The following TTN variants were observed in gnomAD, a reference collection of about 807,000 sequenced individuals.
TTN encodes the protein titin.
TTN carries 1,525 observed loss-of-function variants against 3,223.0 expected under a neutral mutation model. The observed-to-expected ratio is 0.47, with a 90% CI of 0.45 to 0.49. TTN has a LOEUF of 0.49. Ranked by LOEUF, TTN falls within the 20% of genes least tolerant of loss-of-function variation. The pLI, the probability that TTN is intolerant of heterozygous loss-of-function variation, is 0.00. For synonymous variants in TTN, 14,094 were observed against 15,161.0 expected (o/e 0.93, Z 5.17); for missense variants, 40,786 against 43,424.0 (o/e 0.94, Z 5.40).
rs1262407585 is a variant in TTN, at chr2:178,749,145, A to G, written c.11311+3979T>C. 3.1e-6 allele frequency: 5 copies of G among 1,612,522 alleles called. No individual in the cohort carries two copies. The Admixed American group carries it at 8.4e-5, about 27-fold the overall frequency. On this transcript the variant is annotated intron_variant, in intron 47 of 362. Transcript: ENST00000589042. ...ATTCTCTCAGAGTGAATATTTGGTA[A>G]ATAGTCACTTTGGGCACATTCTTGT...
intron 240 of TTN, among the ~76,000 whole-genome samples, chr2:178,626,292 G>T (rs534572429): frequency 6.6e-6 from 1 of 152,130 alleles, no homozygotes; most frequent in South Asian, 2.1e-4. Flanking sequence ...GCAAATGAAA[G>T]TTGGACTCTT....
intron 156 of TTN, 90 bp downstream of exon 156, chr2:178,671,000 A>T (rs182732905): frequency 1.1e-6 from 1 of 884,868 alleles, no homozygotes; most frequent in East Asian, 2.8e-5. Context: ...CAGAAGAAAG[A>T]CATCAAGTGG....
rs1575695077 is a variant in TTN, at chr2:178,567,413, C to T, written c.78719G>A (p.Cys26240Tyr). 3.1e-6 allele frequency: 5 copies of T among 1,605,382 alleles called. No homozygotes were observed. The highest frequency in any genetic ancestry group is 3.4e-5 in the Admixed American group (2 of 58,612). Residue 26240 changes from cysteine to tyrosine, a missense_variant, in exon 326 of 363, where the codon TGT becomes TAT. Transcript: ENST00000589042. ...CTTGAAATCTGTGTTCTTTATTTCA[C>T]ATCTAGCAGATTCTTCAATTTCCTT... Reference protein sequence around the residue: ...GDKEIEESARCEIKNTDFKAL... With the variant: ...GDKEIEESARYEIKNTDFKAL...
rs758706507 is a variant in TTN, at chr2:178,533,154, A to C, written c.103461T>G (p.Leu34487=). Residue 34487 remains leucine (L), a synonymous_variant, in exon 358 of 363, where the codon CTT becomes CTG. Transcript: ENST00000589042. ...TCAGTGGTACACTTTCAGTTCCAGAAAGAATTTCAGCCATTCTGAGGGTTT... is the reference window on the plus strand; with the variant it reads ...TCAGTGGTACACTTTCAGTTCCAGACAGAATTTCAGCCATTCTGAGGGTTT... ...IDKTLRMAEI[L]SGTESVPLTQ... 6.2e-7 allele frequency: 1 copy of C among 1,613,956 alleles called. No homozygotes were observed. Among genetic ancestry groups the C allele is most frequent in the East Asian group, 2.2e-5 (1 of 44,876 alleles).
At chr2:178,728,036 G>A in intron 67 of TTN, 74 bp downstream of exon 67, 1 of 1,457,336 alleles carries the variant, frequency 6.9e-7, no homozygotes, top group Non-Finnish European at 9.1e-7. Context: ...AGCTCTAAAG[G>A]ATACAAAGGC....
At chr2:178,753,940 A>C (rs1182449262) in intron 46 of TTN, 3 of 151,980 alleles carry the variant, frequency 2.0e-5, no homozygotes, top group Non-Finnish European at 4.4e-5. Context: ...TGACTCTCTG[A>C]GTGTTTTAAT....
chr2:178,794,669 A>AT, intron 7 of TTN, 118 bp from the exon 8 acceptor site: 1 of 1,263,832 alleles, frequency 7.9e-7, no homozygotes. Flanking sequence ...ATAAGCATTT[A>AT]TTATTGCCAA....
Position 178,696,183 on chromosome 2 carries a change from C to T in TTN, c.30889G>A (p.Glu10297Lys), listed in dbSNP as rs756360188. ...TRKKEVQKEK[E>K]AVYEKKQAVH... ...GCTTGCTTTTTCTCATACACAGCTT[C>T]TTTTTCTTTCTGAACCTCTTTCTTT... The change falls in exon 114 of 363, where the codon GAA becomes AAA. Residue 10297 changes from glutamate to lysine, a missense_variant. Coordinates refer to ENST00000589042, the MANE Select transcript of TTN (RefSeq NM_001267550.2). The T allele has an allele frequency of 1.9e-6, 3 of 1,559,774 alleles. No individual in the cohort carries two copies. Among genetic ancestry groups the T allele is most frequent in the Non-Finnish European group, 1.7e-6 (2 of 1,150,498 alleles).
chr2:178,770,118 A>T lies in TTN; in HGVS notation c.8583T>A (p.Ala2861=), dbSNP rs150630967. The T allele has an allele frequency of 3.1e-6, 5 of 1,613,980 alleles. No homozygotes were observed. The highest frequency in any genetic ancestry group is 4.2e-6 in the Non-Finnish European group (5 of 1,179,996). ...GCCCGACCACAGCTGTGTATTCCCC[A>T]GCATCTGAGGGGGAGATGTTCTGCA... is the stretch of plus-strand genomic sequence containing the variant. ...LMLQNISPSD[A]GEYTAVVGQL... The change falls in exon 36 of 363, where the codon GCT becomes GCA. Residue 2861 remains alanine (A), a synonymous_variant. Transcript: ENST00000589042.
chr2:178,565,959 A>G lies in TTN; in HGVS notation c.80173T>C (p.Ser26725Pro). 1.9e-6 allele frequency: 3 copies of G among 1,613,340 alleles called. No individual in the cohort carries two copies. Among genetic ancestry groups the G allele is most frequent in the Non-Finnish European group, 2.5e-6 (3 of 1,179,608 alleles). ...ACATTAGCATACGCTTTTCTGGTTG[A>G]CTCACGTTTGTCAATCACATAGTTC... ...VKNYVIDKRE[S>P]TRKAYANVSS... is the part of the protein sequence containing the mutation. Residue 26725 changes from serine (S) to proline (P), a missense_variant, in exon 326 of 363, where the codon TCA (serine) becomes CCA (proline). Ser to Pro is a moderately conservative substitution (Grantham distance 74). Transcript: ENST00000589042.
Position 178,550,985 on chromosome 2 carries a change from T to C in TTN, c.91546A>G (p.Met30516Val). The C allele has an allele frequency of 6.2e-7, 1 of 1,613,082 alleles. No individual in the cohort carries two copies. Among genetic ancestry groups the C allele is most frequent in the Non-Finnish European group, 8.5e-7 (1 of 1,179,526 alleles). ...TGCTTACCATTTTCATCTCTTGTCA[T>C]AATAATGCCAGAAGACTGTGAGGGC... ...SPPSQSSGII[M>V]TRDENVPPIV... Residue 30516 changes from methionine (M) to valine (V), a missense_variant, in exon 336 of 363, where the codon ATG (methionine) becomes GTG (valine). Physicochemically the swap from Met to Val is conservative, Grantham distance 21. Coordinates refer to ENST00000589042, the MANE Select transcript of TTN (RefSeq NM_001267550.2).
At chr2:178,771,810 T>C (rs2091529821) in intron 33 of TTN, among the ~76,000 whole-genome samples, 1 of 152,178 alleles carries the variant, frequency 6.6e-6, no homozygotes, top group African/African-American at 2.4e-5. Context: ...TTTTAATGAT[T>C]ATTTCCTGGG....
Position 178,778,536 on chromosome 2 carries a change from C to T in TTN, c.4208+338G>A, listed in dbSNP as rs2092462083. The T allele has an allele frequency of 1.1e-5, 4 of 348,854 alleles. No homozygotes were observed. The Admixed American group carries it at 1.7e-4, about 15-fold the overall frequency. 21.6% of individuals were successfully genotyped at this position (348,854 alleles called of 1,614,324 possible). ...AGACAATTTTCATAGATTCCCAGGG[C>T]CTCAGTGTTCCTATTTCCAAACCAA... On this transcript the variant is annotated intron_variant, in intron 24 of 362. Coordinates refer to ENST00000589042, the MANE Select transcript of TTN (RefSeq NM_001267550.2).
At chr2:178,615,567 A>C in intron 258 of TTN, 74 bp downstream of exon 258, 1 of 1,609,562 alleles carries the variant, frequency 6.2e-7, no homozygotes, top group Non-Finnish European at 8.5e-7. Flanking sequence ...GCCTTGCCCC[A>C]TAACTTCAAC....
Position 178,633,555 on chromosome 2 carries a change from C to T in TTN, c.42804G>A (p.Glu14268=). 6.2e-7 allele frequency: 1 copy of T among 1,613,424 alleles called. No individual in the cohort carries two copies. The highest frequency in any genetic ancestry group is 8.5e-7 in the Non-Finnish European group (1 of 1,179,618). The part of the protein sequence containing the change: ...VPVKWFKDGE[E]IVPSPKYSIK... Reference sequence around the variant, plus strand: ...TAGAATATTTGGGTGAAGGGACAATCTCTTCACCATCTTTGAACCATTTCA... The same window carrying T: ...TAGAATATTTGGGTGAAGGGACAATTTCTTCACCATCTTTGAACCATTTCA... Residue 14268 remains glutamate (E), a synonymous_variant, in exon 232 of 363, where the codon GAG becomes GAA. Transcript: ENST00000589042.
At position 178,617,972 on chromosome 2, in the gene TTN, G is replaced by A. The variant is rs374281025; in HGVS notation, c.47379C>T (p.Tyr15793=). The change falls in exon 253 of 363, where the codon TAC becomes TAT. Residue 15793 remains tyrosine, a synonymous_variant. Coordinates refer to ENST00000589042, the MANE Select transcript of TTN (RefSeq NM_001267550.2). The part of the protein sequence containing the change: ...EYDGGAEITN[Y]VIELRDKTSI... The stretch of plus-strand genomic sequence containing the variant: ...AAGTCTTGTCTCTTAATTCAATGAC[G>A]TAGTTTGTGATCTCAGCACCTCCAT... 314 of 1,612,600 alleles carry A rather than the reference G, an allele frequency of 1.9e-4. 2 individuals are homozygous for A. The South Asian group carries it at 2.1e-3, about 11-fold the overall frequency.
chr2:178,554,726 T>C lies in TTN; in HGVS notation c.88621A>G (p.Ile29541Val), dbSNP rs780639603. ...TCAGCAGTTACAGTCTTAAATTCAA[T>C]TGGTCCACCAGGTGGGCCTGGTTTG... is the stretch of plus-strand genomic sequence containing the variant. ...LDKPGPPGGP[I>V]EFKTVTAEKI... The change falls in exon 332 of 363, where the codon ATT becomes GTT. Residue 29541 changes from isoleucine (I) to valine (V), a missense_variant. Ile to Val is a conservative substitution (Grantham distance 29). Coordinates refer to ENST00000589042, the MANE Select transcript of TTN (RefSeq NM_001267550.2). The C allele has an allele frequency of 6.8e-6, 11 of 1,613,852 alleles. No homozygotes were observed. Among genetic ancestry groups the C allele is most frequent in the Admixed American group, 6.7e-5 (4 of 60,006 alleles).
In TTN at chr2:178,715,569, T is replaced by G. The variant is rs758944073; in HGVS notation, c.25845A>C (p.Glu8615Asp). ...AVLEMHNLSV[E>D]DSGDYTCEAH... is the part of the protein sequence containing the mutation. ...CCTCACAGGTGTAGTCTCCACTGTC[T>G]TCAACACTGAGATTGTGCATTTCCA... is the stretch of plus-strand genomic sequence containing the variant. The change falls in exon 89 of 363, where the codon GAA becomes GAC. Residue 8615 changes from glutamate (E) to aspartate (D), a missense_variant. Transcript: ENST00000589042. 6.2e-7 allele frequency: 1 copy of G among 1,613,622 alleles called. No individual in the cohort carries two copies.
In TTN at chr2:178,714,091, G is replaced by T. The variant is rs1331657608; in HGVS notation, c.26567C>A (p.Thr8856Asn). Residue 8856 changes from threonine (T) to asparagine (N), a missense_variant, in exon 92 of 363, where the codon ACC (threonine) becomes AAC (asparagine). Coordinates refer to ENST00000589042, the MANE Select transcript of TTN (RefSeq NM_001267550.2). ...AAACCACTTAGTACTGAGTTCAGGG[G>T]TGCCAGCTACTGTACACTCCAAGGT... Reference protein sequence around the residue: ...TCTLECTVAGTPELSTKWFKD... With the variant: ...TCTLECTVAGNPELSTKWFKD... 1 of 1,613,496 alleles carries T rather than the reference G, an allele frequency of 6.2e-7. No homozygotes were observed. Among genetic ancestry groups the T allele is most frequent in the Non-Finnish European group, 8.5e-7 (1 of 1,179,726 alleles).
Sources: gnomAD v4.1 joint callset for allele counts (sites outside exome capture counted in the v4.1 genomes callset) on GRCh38, gnomAD v4.1.1 for gene constraint, MANE v1.5 for transcripts, NCBI Gene and HGNC (gene_info 2026-07-23, HGNC 2026-07-21) for gene names.